STRA6: variants seen among roughly 807,000 people sequenced by gnomAD.
The protein encoded by STRA6 is receptor for retinol uptake STRA6.
In STRA6, 48 loss-of-function variants were observed where a neutral mutation model predicts 83.6. That is an observed-to-expected ratio of 0.57 (90% confidence interval 0.46 to 0.73). The LOEUF (loss-of-function observed/expected upper bound fraction) is 0.73. STRA6 is among the 30% of genes least tolerant of loss of function. The pLI is 0.00. For missense variants in STRA6, 760 were observed against 838.8 expected, an observed-to-expected ratio of 0.91 and a Z score of 1.16; for synonymous variants, 353 against 362.3, an observed-to-expected ratio of 0.97 and a Z score of 0.29.
chr15:74,197,456 G>C, intron 3 of STRA6, 33 bp from the exon 4 acceptor site: 1 of 1,514,158 alleles, frequency 6.6e-7, no homozygotes, highest in Non-Finnish European at 9.0e-7. Context: ...GGCTTGGGGT[G>C]CCCAGGCCTC....
chr15:74,186,468 C>A (rs756026247), intron 12 of STRA6, among the ~76,000 whole-genome samples: 1 of 152,196 alleles, frequency 6.6e-6, no homozygotes, highest in African/African-American at 2.4e-5. Context: ...ATTAGCCAGG[C>A]CTGGTGGCGG....
chr15:74,184,310 G>A (rs933556435), intron 13 of STRA6, among the ~76,000 whole-genome samples: 1 of 152,256 alleles, frequency 6.6e-6, no homozygotes, highest in African/African-American at 2.4e-5. Context: ...GGCAAGGCAA[G>A]CACAGGCTGA....
At chr15:74,191,560 G>A in intron 8 of STRA6, 69 bp from the exon 9 acceptor site, 1 of 1,371,222 alleles carries the variant, frequency 7.3e-7, no homozygotes, top group African/African-American at 1.4e-5. Flanking sequence ...CCTGGCTCAG[G>A]GAACTAGAGT....
intron 7 of STRA6, chr15:74,194,974 C>A: frequency 2.1e-6 from 3 of 1,432,072 alleles, no homozygotes; most frequent in Non-Finnish European, 2.7e-6. Context: ...TCCAGCCTGA[C>A]CAAAGGGAAG....
At chr15:74,193,113 C>T (rs992303724) in intron 8 of STRA6, among the ~76,000 whole-genome samples, 7 of 152,204 alleles carry the variant, frequency 4.6e-5, no homozygotes, top group African/African-American at 4.8e-5. Flanking sequence ...ATCTTTCCTT[C>T]GATCCATCCA....
At position 74,191,476 on chromosome 15, in the gene STRA6, A is replaced by AGCT. The variant is rs2073536160; in HGVS notation, c.733_735dup (p.Ser245dup). On this transcript the variant is annotated inframe_insertion, in exon 9 of 19. Coordinates refer to ENST00000395105, the MANE Select transcript of STRA6 (RefSeq NM_022369.4). ...AGGTTCCTCAGATATTCCTCAGAGT[A>AGCT]GCTGCTCTGCAGCCCCTGTGGAGAC... 1.2e-6 allele frequency: 2 copies of AGCT among 1,614,174 alleles called. No homozygotes were observed. Among genetic ancestry groups the AGCT allele is most frequent in the East Asian group, 4.5e-5 (2 of 44,872 alleles).
upstream of STRA6, chr15:74,203,228 T>G: frequency 1.0e-6 from 1 of 985,026 alleles, no homozygotes; most frequent in Non-Finnish European, 1.2e-6. Context: ...TCCTACAAGT[T>G]GATTTCACAA....
intron 14 of STRA6, 145 bp downstream of exon 14, chr15:74,183,711 G>A (rs957288760): frequency 2.5e-6 from 4 of 1,586,256 alleles, no homozygotes; most frequent in Admixed American, 1.7e-5. Context: ...AAGGCAGGGG[G>A]GTCCCTCCTT....
intron 5 of STRA6, 23 bp from the exon 6 acceptor site, chr15:74,195,698 G>C (rs374654817): frequency 2.2e-5 from 27 of 1,250,144 alleles, no homozygotes; most frequent in Non-Finnish European, 3.0e-5. Context: ...AATAATCACA[G>C]TATATTAGCA....
intron 17 of STRA6, 124 bp from the exon 18 acceptor site, chr15:74,181,061 C>T (rs1158983172): frequency 6.9e-7 from 1 of 1,446,480 alleles, no homozygotes; most frequent in Non-Finnish European, 9.5e-7. Flanking sequence ...TGTCGACACA[C>T]CAAGCACGTG....
Position 74,191,292 on chromosome 15 carries a change from C to T in STRA6, c.789-49G>A, listed in dbSNP as rs2073525201. 6 of 1,611,862 alleles carry T rather than the reference C, an allele frequency of 3.7e-6. No homozygotes were observed. In the East Asian group the frequency reaches 1.3e-4, roughly 36 times the overall value. On this transcript the variant is annotated intron_variant, in intron 9 of 18. Coordinates refer to ENST00000395105, the MANE Select transcript of STRA6 (RefSeq NM_022369.4). ...CGGGGTCCTCAGGGGAAGCCCATTC[C>T]CTGAGGGCCAGCCCCAGAGGCTGGT...
intron 12 of STRA6, among the ~76,000 whole-genome samples, chr15:74,185,553 C>G (rs769126236): frequency 1.3e-5 from 2 of 152,208 alleles, no homozygotes; most frequent in Non-Finnish European, 2.9e-5. Context: ...GAGTCCACAT[C>G]GGTGTGGACT....
At chr15:74,199,989 G>C (rs963707836) in intron 2 of STRA6, among the ~76,000 whole-genome samples, 4 of 152,208 alleles carry the variant, frequency 2.6e-5, no homozygotes, top group African/African-American at 9.7e-5. Context: ...GACTGAGGCA[G>C]GCAGATCAAC....
At chr15:74,195,588 C>T (rs562527124) in intron 6 of STRA6, 64 bp downstream of exon 6, 2 of 1,558,396 alleles carry the variant, frequency 1.3e-6, no homozygotes, top group African/African-American at 2.7e-5. Flanking sequence ...GTTCAGTGGG[C>T]AAGAACACTA....
chr15:74,193,929 A>G lies in STRA6; in HGVS notation c.598-7T>C, dbSNP rs369334157. On this transcript the variant is annotated splice_region_variant and splice_polypyrimidine_tract_variant and intron_variant, in intron 7 of 18. Coordinates refer to ENST00000395105, the MANE Select transcript of STRA6 (RefSeq NM_022369.4). ...GGGAGTAGTACTTGTAGATCTGGAC[A>G]GACAAACACCCAGACAGACTACTTT... 6.8e-6 allele frequency: 11 copies of G among 1,612,682 alleles called. No individual in the cohort carries two copies. In the African/African-American group the frequency reaches 1.1e-4, roughly 16 times the overall value.
chr15:74,196,938 G>A (rs994591753), intron 4 of STRA6, among the ~76,000 whole-genome samples: 1 of 152,198 alleles, frequency 6.6e-6, no homozygotes, highest in Admixed American at 6.5e-5. Flanking sequence ...GGGGCTAGAT[G>A]TCAGTCCCCA....
At chr15:74,181,939 G>A (rs967099294) in intron 16 of STRA6, among the ~76,000 whole-genome samples, 1 of 152,184 alleles carries the variant, frequency 6.6e-6, no homozygotes, top group Non-Finnish European at 1.5e-5. Flanking sequence ...AAAGGTTCAC[G>A]GGGGTACTTC....
rs891224223 is a variant in STRA6, at chr15:74,189,812, C to T, written c.928-535G>A. Reference sequence around the variant, plus strand: ...CTGAGTAGCTGGGACTACAGGCCCGCGCCACCACCGCCAGCTAATTTTTAT... The same window carrying T: ...CTGAGTAGCTGGGACTACAGGCCCGTGCCACCACCGCCAGCTAATTTTTAT... On this transcript the variant is annotated intron_variant, in intron 11 of 18. Coordinates refer to ENST00000395105, the MANE Select transcript of STRA6 (RefSeq NM_022369.4). Among the ~76,000 whole-genome samples the T allele has an allele frequency of 1.1e-4, 17 of 151,670 alleles. 1 individual carries two copies. The highest frequency in any genetic ancestry group is 4.2e-4 in the South Asian group (2 of 4,786).
At chr15:74,211,880 CTCTG>C (rs779817544), upstream of STRA6, among the ~76,000 whole-genome samples, 4 of 152,044 alleles carry the variant, frequency 2.6e-5, no homozygotes, top group Admixed American at 1.3e-4. Context: ...CTCCTTCTTT[CTCTG>C]TCTAACTCTG....
Sources: allele counts gnomAD v4.1 joint callset (sites outside exome capture counted in the v4.1 genomes callset), GRCh38; gene constraint gnomAD v4.1.1; transcripts MANE v1.5; gene names NCBI Gene and HGNC (gene_info 2026-07-23, HGNC 2026-07-21).